Variants in CNOT6 observed in about 807,000 individuals in gnomAD.
CNOT6 encodes the protein CCR4-NOT transcription complex subunit 6.
A neutral mutation model predicts 61.2 loss-of-function variants in CNOT6; 12 were observed. That is an observed-to-expected ratio of 0.20 (90% CI 0.13 to 0.32). The LOEUF is 0.32. CNOT6 is among the 10% of genes least tolerant of loss of function. The pLI is 1.00. For missense variants in CNOT6, 405 were observed against 663.9 expected (o/e 0.61, Z 4.28); for synonymous variants, 225 against 240.6 (o/e 0.94, Z 0.60).
chr5:180,522,642 G>A (rs770421402), intron 1 of CNOT6, among the ~76,000 whole-genome samples: 1 of 151,836 alleles, frequency 6.6e-6, no homozygotes, highest in Non-Finnish European at 1.5e-5. Context: ...TTTCATGTTT[G>A]TTGGCTGCTT....
intron 4 of CNOT6, among the ~76,000 whole-genome samples, chr5:180,560,032 TC>T (rs1760088003): frequency 6.6e-6 from 1 of 151,920 alleles, no homozygotes; most frequent in South Asian, 2.1e-4. Context: ...CACTGCAAGT[TC>T]CGCCTCCTGG....
chr5:180,508,565 C>A (rs1757237031), intron 1 of CNOT6, among the ~76,000 whole-genome samples: 1 of 152,152 alleles, frequency 6.6e-6, no homozygotes, highest in Non-Finnish European at 1.5e-5. Context: ...CTGCCTCAGC[C>A]TCCCAAAGTG....
intron 1 of CNOT6, among the ~76,000 whole-genome samples, chr5:180,517,116 C>A (rs1475597994): frequency 6.6e-6 from 1 of 152,190 alleles, no homozygotes; most frequent in Non-Finnish European, 1.5e-5. Flanking sequence ...TGCCAATATT[C>A]ATCTAATGCT....
At chr5:180,569,485 G>C (rs1174127910) in intron 10 of CNOT6, 145 bp downstream of exon 10, 7 of 632,754 alleles carry the variant, frequency 1.1e-5, no homozygotes, top group Non-Finnish European at 1.9e-5. Context: ...CATCATGTTG[G>C]GGTGGAGGGG....
At chr5:180,496,372 T>C (rs898015843) in intron 1 of CNOT6, among the ~76,000 whole-genome samples, 2 of 152,182 alleles carry the variant, frequency 1.3e-5, no homozygotes, top group African/African-American at 4.8e-5. Flanking sequence ...CCCATGGTAC[T>C]GTAATGAGGA....
chr5:180,510,925 C>T (rs890149631), intron 1 of CNOT6, among the ~76,000 whole-genome samples: 1 of 152,262 alleles, frequency 6.6e-6, no homozygotes, highest in African/African-American at 2.4e-5. Flanking sequence ...TTGCCTCAGC[C>T]TTCTGAGTAG....
intron 1 of CNOT6, among the ~76,000 whole-genome samples, chr5:180,509,056 G>A (rs1488943909): frequency 1.3e-5 from 2 of 152,050 alleles, no homozygotes; most frequent in African/African-American, 2.4e-5. Flanking sequence ...TCCTGACCTC[G>A]TGATCCACCT....
In CNOT6 at chr5:180,536,715, A is replaced by G. The variant is rs974602146; in HGVS notation, c.112+7327A>G. 4.6e-5 allele frequency among the ~76,000 whole-genome samples: 7 copies of G among 152,266 alleles called. No individual in the cohort carries two copies. In the South Asian group the frequency reaches 6.2e-4, roughly 14 times the overall value. ...AGCCTCGACCTCGTGGGTTCAAGCA[A>G]TCCTCCTTCCTCAGCCCCTCAAGTA... On this transcript the variant is annotated intron_variant, in intron 2 of 11. Transcript: ENST00000261951.
Position 180,574,365 on chromosome 5 carries a change from A to G in CNOT6, c.*165A>G. The stretch of plus-strand genomic sequence containing the variant: ...ATAGTATGAAAGCCAGGTGCTAGCA[A>G]CAGACAAATTCTGAGCCCAATATGC... On this transcript the variant is annotated 3_prime_UTR_variant, in exon 12 of 12. Coordinates refer to ENST00000261951, the MANE Select transcript of CNOT6 (RefSeq NM_001370472.1). 4.7e-6 allele frequency: 3 copies of G among 633,468 alleles called. No individual in the cohort carries two copies. The highest frequency in any genetic ancestry group is 8.3e-6 in the Non-Finnish European group (3 of 360,558). The allele number at this position is 633,468 out of a possible 1,614,324, so 39.2% of individuals were successfully genotyped here.
intron 1 of CNOT6, among the ~76,000 whole-genome samples, chr5:180,505,005 C>G (rs1244768459): frequency 7.1e-6 from 1 of 140,086 alleles, no homozygotes; most frequent in Non-Finnish European, 1.5e-5. Flanking sequence ...TGTCCCCAGG[C>G]TGGAGTGCAG....
In CNOT6 at chr5:180,570,373, TAAAAG is replaced by T. The variant is rs1156893955; in HGVS notation, c.1259-855_1259-851del. Among the ~76,000 whole-genome samples, 6 of 151,764 alleles carry T rather than the reference TAAAAG, an allele frequency of 4.0e-5. No individual in the cohort carries two copies. In the East Asian group the frequency reaches 7.7e-4, roughly 20 times the overall value. ...ACTATAAATAATAATAATATGATAA[TAAAAG>T]AGAGAGAAAGAAAAACTGAGTTAAA... On this transcript the variant is annotated intron_variant, in intron 10 of 11. Transcript: ENST00000261951.
rs199767107 is a variant in CNOT6, at chr5:180,529,144, G to GC, written c.-2-129dup. Reference sequence around the variant, plus strand: ...GAATTGCTTGAAGAGGTTGGAGTGAGCCAAAATCGTGCCACTGCACTCCAG... The same window carrying GC: ...GAATTGCTTGAAGAGGTTGGAGTGAGCCCAAAATCGTGCCACTGCACTCCAG... On this transcript the variant is annotated intron_variant, in intron 1 of 11. Coordinates refer to ENST00000261951, the MANE Select transcript of CNOT6 (RefSeq NM_001370472.1). 1,306 of 634,120 alleles carry GC rather than the reference G, an allele frequency of 2.1e-3. 14 individuals are homozygous for GC. In the African/African-American group the frequency reaches 0.022, roughly 11 times the overall value. The allele number at this position is 634,120 out of a possible 1,614,324, so 39.3% of individuals were successfully genotyped here.
intron 1 of CNOT6, among the ~76,000 whole-genome samples, chr5:180,513,573 C>T (rs1294335636): frequency 6.6e-6 from 1 of 151,608 alleles, no homozygotes; most frequent in Non-Finnish European, 1.5e-5. Context: ...AGGGTTTCAC[C>T]ATATTGGCCA....
intron 2 of CNOT6, among the ~76,000 whole-genome samples, chr5:180,544,464 G>C (rs1430953735): frequency 6.6e-6 from 1 of 151,952 alleles, no homozygotes; most frequent in African/African-American, 2.4e-5. Context: ...TTCCAGAATC[G>C]TGTGTGTGTA....
At position 180,574,655 on chromosome 5, in the gene CNOT6, G is replaced by T; in HGVS notation, c.*455G>T. The T allele has an allele frequency of 6.0e-6, 1 of 167,790 alleles. No homozygotes were observed. The highest frequency in any genetic ancestry group is 1.3e-5 in the Non-Finnish European group (1 of 77,234). 10.4% of individuals were successfully genotyped at this position (167,790 alleles called of 1,614,324 possible). ...GAATCTGAATTTAGCCTTTATGATT[G>T]TATATGATCCACAGAAGACCTGATT... On this transcript the variant is annotated 3_prime_UTR_variant, in exon 12 of 12. Coordinates refer to ENST00000261951, the MANE Select transcript of CNOT6 (RefSeq NM_001370472.1).
Position 180,574,472 on chromosome 5 carries a change from T to C in CNOT6, c.*272T>C. The C allele has an allele frequency of 6.3e-6, 3 of 477,088 alleles. No individual in the cohort carries two copies. The highest frequency in any genetic ancestry group is 3.9e-5 in the East Asian group (1 of 25,346). 29.6% of individuals were successfully genotyped at this position (477,088 alleles called of 1,614,324 possible). Reference sequence around the variant, plus strand: ...AGATTTTCCTATTTCTTCTACCCAATAGAATATTTTCATGCCTGGAAATAG... The same window carrying C: ...AGATTTTCCTATTTCTTCTACCCAACAGAATATTTTCATGCCTGGAAATAG... On this transcript the variant is annotated 3_prime_UTR_variant, in exon 12 of 12. Coordinates refer to ENST00000261951, the MANE Select transcript of CNOT6 (RefSeq NM_001370472.1).
rs11738060 is a variant in CNOT6, at chr5:180,577,154, T to A, written c.*2954T>A. ...TAGTCCCAAAGATAGGCAGAGAACA[T>A]CTCCAGAAATGTGTGTGTGTGTGTG... On this transcript the variant is annotated 3_prime_UTR_variant, in exon 12 of 12. Transcript: ENST00000261951. 37,541 of 139,102 alleles carry A rather than the reference T, an allele frequency of 0.27. 5,704 individuals are homozygous for A. The highest frequency in any genetic ancestry group is 0.42 in the Middle Eastern group (119 of 280). The allele number at this position is 139,102 out of a possible 1,614,324, so 8.6% of individuals were successfully genotyped here.
At chr5:180,565,140 G>C (rs893634530) in intron 6 of CNOT6, among the ~76,000 whole-genome samples, 2 of 152,212 alleles carry the variant, frequency 1.3e-5, no homozygotes, top group Non-Finnish European at 2.9e-5. Flanking sequence ...GTGCGACTCT[G>C]GTTGAGAAAC....
intron 1 of CNOT6, among the ~76,000 whole-genome samples, chr5:180,513,334 C>T (rs1048135965): frequency 2.0e-5 from 3 of 152,066 alleles, no homozygotes; most frequent in East Asian, 1.9e-4. Context: ...GGACCATAGG[C>T]GTGTGCCACC....
Sources: gnomAD v4.1 joint callset for allele counts (sites outside exome capture counted in the v4.1 genomes callset) on GRCh38, gnomAD v4.1.1 for gene constraint, MANE v1.5 for transcripts, NCBI Gene and HGNC (gene_info 2026-07-23, HGNC 2026-07-21) for gene names.